The following SPMIP7 variants were observed in gnomAD, a reference collection of about 807,000 sequenced individuals.
SPMIP7 encodes protein SPMIP7.
the SPMIP7 span, among the ~76,000 whole-genome samples, chr7:50,144,888 A>AT: frequency 6.6e-6 from 1 of 151,900 alleles, no homozygotes; most frequent in South Asian, 2.1e-4. Context: ...GTGTTCAGGA[A>AT]TTTTTTTAAA....
At chr7:50,149,471 G>A in the SPMIP7 span, among the ~76,000 whole-genome samples, 5 of 152,328 alleles carry the variant, frequency 3.3e-5, 1 homozygote, top group East Asian at 5.8e-4. Context: ...AGTTGACCGA[G>A]CTGAAGCCCA....
At chr7:50,158,491 A>G in the SPMIP7 span, among the ~76,000 whole-genome samples, 2 of 142,968 alleles carry the variant, frequency 1.4e-5, no homozygotes, top group Non-Finnish European at 3.1e-5. Context: ...TGACCCAGCC[A>G]TGTCTTCTGC....
chr7:50,110,704 A>G, the SPMIP7 span, among the ~76,000 whole-genome samples: 2 of 115,118 alleles, frequency 1.7e-5, no homozygotes, highest in African/African-American at 6.7e-5. Context: ...ACATATTATT[A>G]TATAATATAT....
the SPMIP7 span, among the ~76,000 whole-genome samples, chr7:50,125,163 C>CACAT: frequency 2.8e-4 from 11 of 38,936 alleles, 3 homozygotes; most frequent in East Asian, 3.2e-3. Flanking sequence ...TATATATACA[C>CACAT]ATATATACAC....
chr7:50,148,291 T>C, the SPMIP7 span, among the ~76,000 whole-genome samples: 1 of 152,240 alleles, frequency 6.6e-6, no homozygotes, highest in African/African-American at 2.4e-5. Context: ...AATGTTATTA[T>C]TAAATATGAT....
the SPMIP7 span, chr7:50,104,188 T>C: frequency 2.3e-6 from 1 of 433,090 alleles, no homozygotes; most frequent in Non-Finnish European, 4.3e-6. Context: ...GAAAAGTTAT[T>C]AAATAATCCA....
the SPMIP7 span, among the ~76,000 whole-genome samples, chr7:50,133,026 A>G: frequency 5.3e-5 from 8 of 152,304 alleles, no homozygotes; most frequent in East Asian, 1.5e-3. Flanking sequence ...TGTCCATAGA[A>G]TGGAAAGATC....
At chr7:50,145,878 G>A in the SPMIP7 span, among the ~76,000 whole-genome samples, 1 of 151,220 alleles carries the variant, frequency 6.6e-6, no homozygotes, top group Non-Finnish European at 1.5e-5. Flanking sequence ...CCTCCACTAA[G>A]TTATAATCTT....
chr7:50,157,906 A>AC, the SPMIP7 span, among the ~76,000 whole-genome samples: 1 of 151,960 alleles, frequency 6.6e-6, no homozygotes, highest in African/African-American at 2.4e-5. Flanking sequence ...TTTTTAAAAA[A>AC]AATTATTTTA....
chr7:50,156,132 G>A, the SPMIP7 span, among the ~76,000 whole-genome samples: 1 of 152,198 alleles, frequency 6.6e-6, no homozygotes, highest in African/African-American at 2.4e-5. Context: ...AACTCACTGT[G>A]CTTTCATAAG....
the SPMIP7 span, chr7:50,129,663 T>A: frequency 8.3e-7 from 1 of 1,208,188 alleles, no homozygotes; most frequent in Non-Finnish European, 1.2e-6. Flanking sequence ...TAGAAAACAA[T>A]AACAATTTCC....
chr7:50,129,666 C>A, the SPMIP7 span: 2 of 1,225,760 alleles, frequency 1.6e-6, no homozygotes, highest in Non-Finnish European at 2.3e-6. Flanking sequence ...AAAACAATAA[C>A]AATTTCCATT....
the SPMIP7 span, chr7:50,120,329 T>TG: frequency 1.3e-5 from 2 of 152,072 alleles, no homozygotes; most frequent in African/African-American, 4.8e-5. Context: ...ATCCATAAAT[T>TG]GGGAAAAAAT....
chr7:50,132,764 A>C, the SPMIP7 span, among the ~76,000 whole-genome samples: 1 of 152,298 alleles, frequency 6.6e-6, no homozygotes, highest in East Asian at 1.9e-4. Flanking sequence ...CACACACAAC[A>C]AGAACACTAT....
the SPMIP7 span, among the ~76,000 whole-genome samples, chr7:50,151,125 T>G: frequency 6.6e-6 from 1 of 152,282 alleles, no homozygotes; most frequent in Non-Finnish European, 1.5e-5. Context: ...AGACCTGGTA[T>G]CTTCCTTCAT....
At chr7:50,107,981 C>A in the SPMIP7 span, among the ~76,000 whole-genome samples, 1 of 152,094 alleles carries the variant, frequency 6.6e-6, no homozygotes, top group Non-Finnish European at 1.5e-5. Context: ...GGAATCTGGA[C>A]GTCAGTGCCA....
At chr7:50,158,305 G>T in the SPMIP7 span, among the ~76,000 whole-genome samples, 6 of 148,476 alleles carry the variant, frequency 4.0e-5, no homozygotes, top group Middle Eastern at 3.5e-3. Context: ...GTCTTCTTCT[G>T]GCCTCTGGGT....
the SPMIP7 span, among the ~76,000 whole-genome samples, chr7:50,126,969 A>G: frequency 1.3e-5 from 2 of 152,250 alleles, no homozygotes; most frequent in South Asian, 2.1e-4. Flanking sequence ...GTGCAAAACA[A>G]GAAAGCTAGA....
At chr7:50,139,339 G>A in the SPMIP7 span, among the ~76,000 whole-genome samples, 1 of 148,090 alleles carries the variant, frequency 6.8e-6, no homozygotes, top group African/African-American at 2.5e-5. Flanking sequence ...ACTAGAGCGA[G>A]GCACCATCTC....
Sources: gnomAD v4.1 joint callset for allele counts (sites outside exome capture counted in the v4.1 genomes callset) on GRCh38, gnomAD v4.1.1 for gene constraint, MANE v1.5 for transcripts, NCBI Gene and HGNC (gene_info 2026-07-23, HGNC 2026-07-21) for gene names.